Variants in NXPH4 observed in about 807,000 individuals in gnomAD.
The protein encoded by NXPH4 is neurexophilin-4.
Under a neutral mutation model 21.3 loss-of-function variants are expected in NXPH4, and 8 were observed. That is an observed-to-expected ratio of 0.38 (90% CI 0.22 to 0.68). The LOEUF (loss-of-function observed/expected upper bound fraction) is 0.68. Among genes scored for constraint, NXPH4 ranks in the 30% least tolerant of loss-of-function variants. The probability of loss-of-function intolerance (pLI) is 0.53; values close to 1 mark genes in which losing one functional copy is unlikely to be tolerated. For synonymous variants in NXPH4, 219 were observed against 192.6 expected (o/e 1.14, Z -1.13); for missense variants, 418 against 416.8 (o/e 1.00, Z -0.03).
Position 57,225,007 on chromosome 12 carries a change from C to T in NXPH4, c.187C>T (p.Arg63Cys). 6.7e-7 allele frequency: 1 copy of T among 1,495,518 alleles called. No homozygotes were observed. The highest frequency in any genetic ancestry group is 8.9e-7 in the Non-Finnish European group (1 of 1,122,628). 92.6% of individuals were successfully genotyped at this position (1,495,518 alleles called of 1,614,324 possible). Residue 63 changes from arginine (R) to cysteine (C), a missense_variant, in exon 2 of 2, where the codon CGC becomes TGC. Arg to Cys is a radical substitution (Grantham distance 180). Coordinates refer to ENST00000349394, the MANE Select transcript of NXPH4 (RefSeq NM_007224.4). ...GTCTTCGGACGGCCTAGGCGTGGGC[C>T]GCGCCTGGAGCTGGGCCTGGCCGAC... The part of the protein sequence containing the change: ...PRSSDGLGVG[R>C]AWSWAWPTNH...
At chr12:57,221,581 T>C in intron 1 of NXPH4, 1 of 336,136 alleles carries the variant, frequency 3.0e-6, no homozygotes, top group South Asian at 2.2e-5. Context: ...AAAGCCCTCC[T>C]GGTGCAGCTC....
chr12:57,223,374 GC>G (rs1240462645), intron 1 of NXPH4, among the ~76,000 whole-genome samples: 1 of 151,786 alleles, frequency 6.6e-6, no homozygotes, highest in Non-Finnish European at 1.5e-5. Context: ...GCCAATCCAG[GC>G]ACATACACAC....
chr12:57,225,808 C>A lies in NXPH4; in HGVS notation c.*61C>A. On this transcript the variant is annotated 3_prime_UTR_variant, in exon 2 of 2. Coordinates refer to ENST00000349394, the MANE Select transcript of NXPH4 (RefSeq NM_007224.4). ...ATCCCAGCCTCACTAGGTGGGACCC[C>A]CTTCCCAGTGTTCTGCCGCTCCTGT... 1 of 1,557,048 alleles carries A rather than the reference C, an allele frequency of 6.4e-7. No homozygotes were observed. The highest frequency in any genetic ancestry group is 1.2e-5 in the South Asian group (1 of 83,152).
Position 57,216,865 on chromosome 12 carries a change from CGCTCCCGCA to C in NXPH4, c.-102_-94del, listed in dbSNP as rs1428345825. 5 of 264,902 alleles carry C rather than the reference CGCTCCCGCA, an allele frequency of 1.9e-5. No individual in the cohort carries two copies. The highest frequency in any genetic ancestry group is 1.6e-5 in the Non-Finnish European group (3 of 187,010). The allele number at this position is 264,902 out of a possible 1,614,324, so 16.4% of individuals were successfully genotyped here. A position where few individuals can be genotyped will look rare whatever the true frequency, so the allele number is the denominator to read the frequency against. On this transcript the variant is annotated 5_prime_UTR_variant, in exon 1 of 2. Transcript: ENST00000349394. This position sits in a 1 kb window ranked among gnomAD's most constrained non-coding sequence, Gnocchi z 5.3. ...CTCCCGCCGCTCCCGCCGCTCCCGC[CGCTCCCGCA>C]GCCGCCCCGCCGCCCGCCCGGAGCC... is the stretch of plus-strand genomic sequence containing the variant.
Position 57,225,960 on chromosome 12 carries a change from A to C in NXPH4, c.*213A>C, listed in dbSNP as rs901376400. On this transcript the variant is annotated 3_prime_UTR_variant, in exon 2 of 2. Transcript: ENST00000349394. ...AGGCTGGGGTAGCCCCCTCCAGTAC[A>C]CCCCAAAGTGAAAGGGATAAGAGTG... The C allele has an allele frequency of 2.8e-6, 4 of 1,419,854 alleles. No individual in the cohort carries two copies. The highest frequency in any genetic ancestry group is 5.0e-5 in the East Asian group (2 of 39,658). The allele number at this position is 1,419,854 out of a possible 1,614,324, so 88.0% of individuals were successfully genotyped here.
intron 1 of NXPH4, among the ~76,000 whole-genome samples, chr12:57,217,612 C>A (rs2037053161): frequency 1.3e-5 from 2 of 152,204 alleles, no homozygotes; most frequent in East Asian, 1.9e-4. Flanking sequence ...ACAGACACAC[C>A]CCCCTCTCGT....
At chr12:57,218,381 G>C (rs1290762563) in intron 1 of NXPH4, among the ~76,000 whole-genome samples, 1 of 152,234 alleles carries the variant, frequency 6.6e-6, no homozygotes, top group Non-Finnish European at 1.5e-5. Flanking sequence ...TTAGGGACTT[G>C]CTGCCCAACT....
intron 1 of NXPH4, among the ~76,000 whole-genome samples, chr12:57,224,162 G>A (rs2136772080): frequency 6.6e-6 from 1 of 151,676 alleles, no homozygotes; most frequent in South Asian, 2.1e-4. Context: ...GTCTCGCTCT[G>A]TCGCCCAGGC....
chr12:57,217,850 G>A (rs527782423), intron 1 of NXPH4, among the ~76,000 whole-genome samples: 22 of 152,370 alleles, frequency 1.4e-4, no homozygotes, highest in African/African-American at 5.3e-4. Context: ...GTGCACCTGT[G>A]TGCATGTGTC....
At chr12:57,217,099 G>A (rs1051762686) in intron 1 of NXPH4, 73 bp downstream of exon 1, 2 of 1,301,540 alleles carry the variant, frequency 1.5e-6, no homozygotes, top group South Asian at 1.3e-5. Flanking sequence ...TGTGCGAGGG[G>A]CTCCGTGCGC....
rs1382056084 is a variant in NXPH4, at chr12:57,224,903, C to T, written c.83C>T (p.Ser28Phe). Residue 28 changes from serine (S) to phenylalanine (F), a missense_variant, in exon 2 of 2, where the codon TCC (serine) becomes TTC (phenylalanine). Ser to Phe is a radical substitution (Grantham distance 155). Transcript: ENST00000349394. ...GCCGTCAGTGCCCAGATACCAGAGTCCGGAAGGCCGCAGTACCTGGGGCTG... is the reference window on the plus strand; with the variant it reads ...GCCGTCAGTGCCCAGATACCAGAGTTCGGAAGGCCGCAGTACCTGGGGCTG... ...RKAVSAQIPESGRPQYLGLRP... is the reference protein window; with the variant it reads ...RKAVSAQIPEFGRPQYLGLRP... 8.6e-7 allele frequency: 1 copy of T among 1,164,608 alleles called. No homozygotes were observed. The highest frequency in any genetic ancestry group is 1.2e-6 in the Non-Finnish European group (1 of 866,484). 72.1% of individuals were successfully genotyped at this position (1,164,608 alleles called of 1,614,324 possible).
chr12:57,216,856 C>T lies in NXPH4; in HGVS notation c.-114C>T, dbSNP rs1234496029. ...GCGCCGCCGCTCCCGCCGCTCCCGCCGCTCCCGCCGCTCCCGCAGCCGCCC... is the reference window on the plus strand; with the variant it reads ...GCGCCGCCGCTCCCGCCGCTCCCGCTGCTCCCGCCGCTCCCGCAGCCGCCC... On this transcript the variant is annotated 5_prime_UTR_variant, in exon 1 of 2. Transcript: ENST00000349394. The surrounding 1 kb of genome is among the most constrained non-coding windows in gnomAD (Gnocchi z 5.3). The T allele has an allele frequency of 9.5e-6, 5 of 526,566 alleles. No individual in the cohort carries two copies. Among genetic ancestry groups the T allele is most frequent in the Admixed American group, 6.5e-5 (1 of 15,376 alleles). 32.6% of individuals were successfully genotyped at this position (526,566 alleles called of 1,614,324 possible). A position where few individuals can be genotyped will look rare whatever the true frequency, so the allele number is the denominator to read the frequency against.
At position 57,225,582 on chromosome 12, in the gene NXPH4, G is replaced by C; in HGVS notation, c.762G>C (p.Ser254=). 6.2e-7 allele frequency: 1 copy of C among 1,613,422 alleles called. No homozygotes were observed. Among genetic ancestry groups the C allele is most frequent in the African/African-American group, 1.3e-5 (1 of 75,058 alleles). The part of the protein sequence containing the change: ...RKHRPCLYDP[S]QVCFTEHTQS... ...ACCGACCGTGCCTGTACGACCCGTCGCAGGTGTGCTTCACCGAGCACACGC... is the reference window on the plus strand; with the variant it reads ...ACCGACCGTGCCTGTACGACCCGTCCCAGGTGTGCTTCACCGAGCACACGC... Residue 254 remains serine (S), a synonymous_variant, in exon 2 of 2, where the codon TCG becomes TCC. Coordinates refer to ENST00000349394, the MANE Select transcript of NXPH4 (RefSeq NM_007224.4).
chr12:57,218,150 C>T (rs554685469), intron 1 of NXPH4, among the ~76,000 whole-genome samples: 4 of 152,328 alleles, frequency 2.6e-5, no homozygotes, highest in Admixed American at 6.5e-5. Flanking sequence ...GTACCCTCAG[C>T]CCCTGTAGAG....
chr12:57,225,318 C>A lies in NXPH4; in HGVS notation c.498C>A (p.Val166=). The A allele has an allele frequency of 1.3e-6, 2 of 1,558,196 alleles. No individual in the cohort carries two copies. The highest frequency in any genetic ancestry group is 1.7e-6 in the Non-Finnish European group (2 of 1,153,966). Residue 166 remains valine (V), a synonymous_variant, in exon 2 of 2, where the codon GTC becomes GTA. Coordinates refer to ENST00000349394, the MANE Select transcript of NXPH4 (RefSeq NM_007224.4). Reference sequence around the variant, plus strand: ...CCAAGCGTGTCGAGTTCGGAGGAGTCTGGCTGCCCGGGCCTGTCCCCCACC... The same window carrying A: ...CCAAGCGTGTCGAGTTCGGAGGAGTATGGCTGCCCGGGCCTGTCCCCCACC... ...PPSKRVEFGG[V]WLPGPVPHPL...
chr12:57,225,365 TG>T lies in NXPH4; in HGVS notation c.547del (p.Glu183ArgfsTer193). 1 of 1,588,100 alleles carries T rather than the reference TG, an allele frequency of 6.3e-7. No homozygotes were observed. The stretch of plus-strand genomic sequence containing the variant: ...CACCCTCTGCAGTCTACGCTCGCCC[TG>T]GAGGGGGTGCTTCCTGGGCTGGGGC... ...VPHPLQSTLALEGVLPGLGPP... is the reference protein window; with the variant it reads ...VPHPLQSTLAXEGVLPGLGPP... On this transcript the variant is annotated frameshift_variant, in exon 2 of 2. Transcript: ENST00000349394. LOFTEE classifies it high-confidence loss of function.
intron 1 of NXPH4, 100 bp from the exon 2 acceptor site, chr12:57,224,778 G>C: frequency 2.1e-6 from 1 of 472,364 alleles, no homozygotes; most frequent in Non-Finnish European, 3.7e-6. Context: ...ATTCCATTTG[G>C]TCTCCTAGCG....
At chr12:57,219,685 C>T (rs745905321) in intron 1 of NXPH4, among the ~76,000 whole-genome samples, 1 of 151,648 alleles carries the variant, frequency 6.6e-6, no homozygotes, top group African/African-American at 2.4e-5. Context: ...GAGCTGCTGC[C>T]GGGGATTTGG....
chr12:57,224,888 C>A lies in NXPH4; in HGVS notation c.68C>A (p.Ala23Asp). The change falls in exon 2 of 2, where the codon GCC becomes GAC. Residue 23 changes from alanine to aspartate, a missense_variant. By Grantham distance (126) the Ala-to-Asp change is moderately radical. Coordinates refer to ENST00000349394, the MANE Select transcript of NXPH4 (RefSeq NM_007224.4). The stretch of plus-strand genomic sequence containing the variant: ...TTTCTTCGTGCACAGGCCGTCAGTG[C>A]CCAGATACCAGAGTCCGGAAGGCCG... ...GPWLLRKAVS[A>D]QIPESGRPQY... The A allele has an allele frequency of 1.0e-6, 1 of 983,836 alleles. No homozygotes were observed. The highest frequency in any genetic ancestry group is 1.4e-6 in the Non-Finnish European group (1 of 704,082). 60.9% of individuals were successfully genotyped at this position (983,836 alleles called of 1,614,324 possible).
Sources: allele counts gnomAD v4.1 joint callset (sites outside exome capture counted in the v4.1 genomes callset), GRCh38; gene constraint gnomAD v4.1.1; non-coding constraint Gnocchi (gnomAD v3.1); transcripts MANE v1.5; gene names NCBI Gene and HGNC (gene_info 2026-07-23, HGNC 2026-07-21).